The following CELF3 variants were observed in gnomAD, a reference collection of about 807,000 sequenced individuals.
CELF3 encodes the protein CUGBP Elav-like family member 3.
Under a neutral mutation model 59.6 loss-of-function variants are expected in CELF3, and 26 were observed. The observed-to-expected ratio is 0.44, with a 90% CI of 0.32 to 0.61. CELF3 has a LOEUF of 0.61. CELF3 is among the 20% of genes least tolerant of loss of function. The pLI is 0.06. For synonymous variants in CELF3, 245 were observed against 250.7 expected, an observed-to-expected ratio of 0.98 and a Z score of 0.22; for missense variants, 387 against 627.2, an observed-to-expected ratio of 0.62 and a Z score of 4.09.
chr1:151,713,874 G>T (rs564035065), intron 2 of CELF3, among the ~76,000 whole-genome samples: 1 of 152,312 alleles, frequency 6.6e-6, no homozygotes, highest in African/African-American at 2.4e-5. Flanking sequence ...AAGGCTGGCT[G>T]GGAAGAAGAC....
In CELF3 at chr1:151,705,285, C is replaced by T; in HGVS notation, c.1271-117G>A. 2.6e-6 allele frequency: 3 copies of T among 1,155,390 alleles called. No homozygotes were observed. The highest frequency in any genetic ancestry group is 2.4e-6 in the Non-Finnish European group (2 of 820,958). 71.6% of individuals were successfully genotyped at this position (1,155,390 alleles called of 1,614,324 possible). A position where few individuals can be genotyped will look rare whatever the true frequency, so the allele number is the denominator to read the frequency against. ...TCCCAAATGCCTAGAAAGCTGCCTG[C>T]CACATAGCAGCATTCCTTAGGAATT... On this transcript the variant is annotated intron_variant, in intron 11 of 12. Transcript: ENST00000290583. This position sits in a 1 kb window ranked among gnomAD's most constrained non-coding sequence, Gnocchi z 5.1.
chr1:151,706,629 C>T (rs1035249246), intron 9 of CELF3, 40 bp downstream of exon 9: 2 of 1,542,762 alleles, frequency 1.3e-6, no homozygotes, highest in Non-Finnish European at 1.8e-6. Context: ...CTCCTGCCAC[C>T]TCTCCCACCT....
chr1:151,701,051 T>G lies in CELF3; in HGVS notation c.*2408A>C, dbSNP rs1242268817. ...CTCTTGGCTTCTTGGGAGAACAAAT[T>G]GTAGGAGAGCAGGAAAAGAAACATG... On this transcript the variant is annotated 3_prime_UTR_variant, in exon 13 of 13. Transcript: ENST00000290583. 6.6e-6 allele frequency: 1 copy of G among 152,216 alleles called. No homozygotes were observed. Among genetic ancestry groups the G allele is most frequent in the African/African-American group, 2.4e-5 (1 of 41,420 alleles). 9.4% of individuals were successfully genotyped at this position (152,216 alleles called of 1,614,324 possible). A position where few individuals can be genotyped will look rare whatever the true frequency, so the allele number is the denominator to read the frequency against.
intron 2 of CELF3, among the ~76,000 whole-genome samples, chr1:151,712,871 C>T (rs535011941): frequency 6.6e-6 from 1 of 152,156 alleles, no homozygotes; most frequent in East Asian, 1.9e-4. Context: ...AACAGTTATG[C>T]AGGAGCTGAC....
chr1:151,708,905 A>G, intron 5 of CELF3, 93 bp downstream of exon 5: 1 of 1,121,832 alleles, frequency 8.9e-7, no homozygotes, highest in Non-Finnish European at 1.3e-6. Flanking sequence ...AAATTCAAAT[A>G]GCCCATCCTG....
At chr1:151,707,047 T>TA in intron 8 of CELF3, 98 bp downstream of exon 8, 1 of 1,313,666 alleles carries the variant, frequency 7.6e-7, no homozygotes, top group Non-Finnish European at 1.0e-6. Flanking sequence ...GAAGCACCTG[T>TA]ACCCCCAAAG....
intron 2 of CELF3, chr1:151,714,391 C>G (rs1673279856): frequency 4.7e-6 from 3 of 641,124 alleles, no homozygotes; most frequent in African/African-American, 3.6e-5. Context: ...CATGTTTACG[C>G]CACTAATCGC....
rs1672099392 is a variant in CELF3 at position 151,701,917 on chromosome 1, T to C, written c.*1542A>G. Among the ~76,000 whole-genome samples, 1 of 152,172 alleles carries C rather than the reference T, an allele frequency of 6.6e-6. No homozygotes were observed. Among genetic ancestry groups the C allele is most frequent in the South Asian group, 2.1e-4 (1 of 4,836 alleles). ...CAGCTTGAGTGACAGAGTGAGACCCTGTTTCAAAGTAAATAAGTAAAATAA... is the reference window on the plus strand; with the variant it reads ...CAGCTTGAGTGACAGAGTGAGACCCCGTTTCAAAGTAAATAAGTAAAATAA... On this transcript the variant is annotated 3_prime_UTR_variant, in exon 13 of 13. Coordinates refer to ENST00000290583, the MANE Select transcript of CELF3 (RefSeq NM_007185.7).
At position 151,714,876 on chromosome 1, in the gene CELF3, G is replaced by C. The variant is rs1193079813; in HGVS notation, c.146-200C>G. Among the ~76,000 whole-genome samples the C allele has an allele frequency of 3.9e-5, 6 of 152,108 alleles. No individual in the cohort carries two copies. In the South Asian group the frequency reaches 8.3e-4, roughly 21 times the overall value. On this transcript the variant is annotated intron_variant, in intron 1 of 12. Coordinates refer to ENST00000290583, the MANE Select transcript of CELF3 (RefSeq NM_007185.7). Reference sequence around the variant, plus strand: ...CAGACACCTGGAGGCCTAAATACTGGTGGTGATGGGAGAGGGAGGACACTT... The same window carrying C: ...CAGACACCTGGAGGCCTAAATACTGCTGGTGATGGGAGAGGGAGGACACTT...
Position 151,705,107 on chromosome 1 carries a change from G to A in CELF3, c.1332C>T (p.Phe444=), listed in dbSNP as rs751767304. Residue 444 remains phenylalanine, a synonymous_variant, in exon 12 of 13, where the codon TTC becomes TTT. Coordinates refer to ENST00000290583, the MANE Select transcript of CELF3 (RefSeq NM_007185.7). The surrounding 1 kb of genome is among the most constrained non-coding windows in gnomAD (Gnocchi z 5.1). ...CTTTGAGGCGCTTCATGCCGATCTGGAAGCCATTCATGGCCTGGATGGCAG... is the reference window on the plus strand; with the variant it reads ...CTTTGAGGCGCTTCATGCCGATCTGAAAGCCATTCATGGCCTGGATGGCAG... ...AQAAIQAMNG[F]QIGMKRLKVQ... 6.2e-7 allele frequency: 1 copy of A among 1,614,066 alleles called. No individual in the cohort carries two copies. Among genetic ancestry groups the A allele is most frequent in the South Asian group, 1.1e-5 (1 of 91,082 alleles).
rs1672415999 is a variant in CELF3, at chr1:151,705,271, T to C, written c.1271-103A>G. 1.7e-5 allele frequency: 22 copies of C among 1,330,898 alleles called. No homozygotes were observed. The highest frequency in any genetic ancestry group is 2.3e-5 in the Non-Finnish European group (22 of 975,514). 82.4% of individuals were successfully genotyped at this position (1,330,898 alleles called of 1,614,324 possible). ...GTGTCTCCCAAGTGTCCCAAATGCCTAGAAAGCTGCCTGCCACATAGCAGC... is the reference window on the plus strand; with the variant it reads ...GTGTCTCCCAAGTGTCCCAAATGCCCAGAAAGCTGCCTGCCACATAGCAGC... On this transcript the variant is annotated intron_variant, in intron 11 of 12. Transcript: ENST00000290583. The surrounding 1 kb of genome is among the most constrained non-coding windows in gnomAD (Gnocchi z 5.1).
In CELF3 at chr1:151,702,784, C is replaced by T. The variant is rs543108141; in HGVS notation, c.*675G>A. 11 of 185,174 alleles carry T rather than the reference C, an allele frequency of 5.9e-5. No homozygotes were observed. The South Asian group carries it at 1.3e-3, about 22-fold the overall frequency. 11.5% of individuals were successfully genotyped at this position (185,174 alleles called of 1,614,324 possible). ...GGTAGTGGTATTTACACAGAGGGAA[C>T]CAGCAGAGACTGTAAACATTTTTAG... is the stretch of plus-strand genomic sequence containing the variant. On this transcript the variant is annotated 3_prime_UTR_variant, in exon 13 of 13. Coordinates refer to ENST00000290583, the MANE Select transcript of CELF3 (RefSeq NM_007185.7).
At chr1:151,715,547 G>T in intron 1 of CELF3, 2 of 1,205,854 alleles carry the variant, frequency 1.7e-6, no homozygotes, top group Admixed American at 2.2e-5. Context: ...CCCCTACCCA[G>T]CTGCTTATCT....
chr1:151,706,885 G>A (rs1488179469), intron 8 of CELF3, 151 bp from the exon 9 acceptor site: 1 of 708,546 alleles, frequency 1.4e-6, no homozygotes, highest in South Asian at 1.9e-5. Flanking sequence ...AATGCACAAA[G>A]CAGTGGGAAG....
rs1478828579 is a variant in CELF3, at chr1:151,707,877, C to T, written c.545G>A (p.Arg182His). 3.7e-6 allele frequency: 6 copies of T among 1,613,886 alleles called. No homozygotes were observed. Among genetic ancestry groups the T allele is most frequent in the Non-Finnish European group, 5.1e-6 (6 of 1,179,860 alleles). The change falls in exon 6 of 13, where the codon CGC (arginine) becomes CAC (histidine). Residue 182 changes from arginine (R) to histidine (H), a missense_variant. Transcript: ENST00000290583. ...CTGGGTGGCCACCTGCTGCATGCGG[C>T]GGAGACCTCGCTCCTTCTCAGTGTC... is the stretch of plus-strand genomic sequence containing the variant. Reference protein sequence around the residue: ...FADTEKERGLRRMQQVATQLG... With the variant: ...FADTEKERGLHRMQQVATQLG...
intron 12 of CELF3, among the ~76,000 whole-genome samples, chr1:151,704,170 G>A (rs1207958226): frequency 2.0e-5 from 3 of 152,022 alleles, no homozygotes; most frequent in Admixed American, 1.3e-4. Context: ...GGCTTCGGCC[G>A]ACAATGGACA....
Position 151,703,051 on chromosome 1 carries a change from CTGGGAGTG to C in CELF3, c.*400_*407del. On this transcript the variant is annotated 3_prime_UTR_variant, in exon 13 of 13. Transcript: ENST00000290583. ...GGGAAGAGGCTGGGGTGAGGGTGAG[CTGGGAGTG>C]TGTGGCAGGCCCCTGCGGCTCTCCT... 2.5e-6 allele frequency: 1 copy of C among 403,792 alleles called. No homozygotes were observed. The highest frequency in any genetic ancestry group is 7.2e-5 in the East Asian group (1 of 13,896). 25.0% of individuals were successfully genotyped at this position (403,792 alleles called of 1,614,324 possible).
At chr1:151,714,181 T>TCCTCCCTCATCTCACAGCCACC (rs1216480907) in intron 2 of CELF3, among the ~76,000 whole-genome samples, 31 of 151,786 alleles carry the variant, frequency 2.0e-4, no homozygotes, top group African/African-American at 7.3e-4. Flanking sequence ...CTCTGGGCAC[T>TCCTCCCTCATCTCACAGCCACC]CCTCCCTCAT....
chr1:151,716,728 G>T lies in CELF3; in HGVS notation c.-708C>A, dbSNP rs1272434910. On this transcript the variant is annotated 5_prime_UTR_variant, in exon 1 of 13. Transcript: ENST00000290583. ...TGGGCTGCTGCCGGCTGCTCCCGCCGCTGGGGCTGCCTGCTTTCCCGGTCA... is the reference window on the plus strand; with the variant it reads ...TGGGCTGCTGCCGGCTGCTCCCGCCTCTGGGGCTGCCTGCTTTCCCGGTCA... 6 of 425,220 alleles carry T rather than the reference G, an allele frequency of 1.4e-5. No individual in the cohort carries two copies. The highest frequency in any genetic ancestry group is 2.8e-5 in the Non-Finnish European group (6 of 215,010). 26.3% of individuals were successfully genotyped at this position (425,220 alleles called of 1,614,324 possible).
Sources: gnomAD v4.1 joint callset for allele counts (sites outside exome capture counted in the v4.1 genomes callset) on GRCh38, gnomAD v4.1.1 for gene constraint, Gnocchi (gnomAD v3.1) non-coding constraint, MANE v1.5 for transcripts, NCBI Gene and HGNC (gene_info 2026-07-23, HGNC 2026-07-21) for gene names.